Variants in AGT observed in about 807,000 individuals in gnomAD.
AGT encodes the protein alpha-1 antiproteinase, antitrypsin.
In AGT, 26 loss-of-function variants were observed where a neutral mutation model predicts 28.1. The observed-to-expected ratio is 0.92, with a 90% CI of 0.68 to 1.28. AGT has a LOEUF of 1.28. Ranked by LOEUF, AGT falls within the 50% of genes most tolerant of loss-of-function variation. AGT has a pLI of 0.00. For missense variants in AGT, 596 were observed against 592.3 expected (o/e 1.01, Z -0.06); for synonymous variants, 259 against 259.6 (o/e 1.00, Z 0.02).
intron 1 of AGT, among the ~76,000 whole-genome samples, chr1:230,711,071 C>T (rs1461647760): frequency 6.6e-6 from 1 of 152,202 alleles, no homozygotes; most frequent in East Asian, 1.9e-4. Context: ...GAATTATGTC[C>T]TACCTCCCCC....
At chr1:230,715,454 A>C (rs1326281893), upstream of AGT, among the ~76,000 whole-genome samples, 1 of 152,216 alleles carries the variant, frequency 6.6e-6, no homozygotes, top group Non-Finnish European at 1.5e-5. Context: ...TGGAGGTTAC[A>C]GTGAGCTATG....
At chr1:230,707,956 G>A (rs1448072201) in intron 2 of AGT, among the ~76,000 whole-genome samples, 1 of 152,124 alleles carries the variant, frequency 6.6e-6, no homozygotes, top group Admixed American at 6.6e-5. Flanking sequence ...AGCCCATCAG[G>A]CCCCAGATCC....
chr1:230,710,710 AT>A lies in AGT; in HGVS notation c.113del (p.Asn38MetfsTer44). 1 of 1,614,082 alleles carries A rather than the reference AT, an allele frequency of 6.2e-7. No individual in the cohort carries two copies. Among genetic ancestry groups the A allele is most frequent in the Non-Finnish European group, 8.5e-7 (1 of 1,179,956 alleles). ...YIHPFHLVIH[N>X]ESTCEQLAKA... ...TTGCCAGCTGCTCACAGGTACTCTC[AT>A]TGTGGATGACGAGGTGGAAGGGGTG... On this transcript the variant is annotated frameshift_variant, in exon 2 of 5. Transcript: ENST00000366667. LOFTEE classifies it high-confidence loss of function.
At position 230,706,001 on chromosome 1, in the gene AGT, G is replaced by T. The variant is rs1161768666; in HGVS notation, c.1029C>A (p.Asp343Glu). 6.2e-7 allele frequency: 1 copy of T among 1,614,212 alleles called. No individual in the cohort carries two copies. The highest frequency in any genetic ancestry group is 1.3e-5 in the African/African-American group (1 of 75,054). The change falls in exon 3 of 5, where the codon GAC (aspartate) becomes GAA (glutamate). Residue 343 changes from aspartate (D) to glutamate (E), a missense_variant. Transcript: ENST00000366667. Reference sequence around the variant, plus strand: ...AAGTGAGACCCTCCACCTTGTCCAGGTCAGAGGCATAGTGAGGCTGGATCA... The same window carrying T: ...AAGTGAGACCCTCCACCTTGTCCAGTTCAGAGGCATAGTGAGGCTGGATCA... ...LLLIQPHYAS[D>E]LDKVEGLTFQ...
upstream of AGT, among the ~76,000 whole-genome samples, chr1:230,714,476 C>A (rs1030717703): frequency 6.6e-6 from 1 of 152,024 alleles, no homozygotes; most frequent in Admixed American, 6.5e-5. Context: ...GGGAGATGTA[C>A]CCCCAAGAGG....
At chr1:230,704,524 T>A (rs1314748391) in intron 3 of AGT, among the ~76,000 whole-genome samples, 187 bp from the exon 4 acceptor site, 2 of 152,232 alleles carry the variant, frequency 1.3e-5, no homozygotes, top group African/African-American at 4.8e-5. Flanking sequence ...AAATCCTTCA[T>A]GTCATTTGCA....
chr1:230,715,790 C>T (rs2493136), upstream of AGT, among the ~76,000 whole-genome samples: 87,996 of 151,874 alleles, frequency 0.58, 28,154 homozygotes, highest in African/African-American at 0.84. Flanking sequence ...GTTTCATTCA[C>T]TCACTATTCC....
chr1:230,703,017 G>T lies in AGT; in HGVS notation c.*124C>A. 1 of 1,117,364 alleles carries T rather than the reference G, an allele frequency of 8.9e-7. No individual in the cohort carries two copies. Among genetic ancestry groups the T allele is most frequent in the Non-Finnish European group, 1.3e-6 (1 of 785,370 alleles). 69.2% of individuals were successfully genotyped at this position (1,117,364 alleles called of 1,614,324 possible). ...CCAGCTCAAAGTCGACTCATTAGAA[G>T]AAAAGGTGGGAGACTGGGGGTGACA... On this transcript the variant is annotated 3_prime_UTR_variant, in exon 5 of 5. Transcript: ENST00000366667.
At chr1:230,730,329 T>C (rs11122585) in intron 1 of AGT, among the ~76,000 whole-genome samples, 143,206 of 152,142 alleles carry the variant, frequency 0.94, 67,508 homozygotes, top group East Asian at 1. Context: ...CCACCTCGGC[T>C]TCCCAAACTG....
intron 1 of AGT, among the ~76,000 whole-genome samples, chr1:230,721,020 G>A (rs1663834139): frequency 6.6e-6 from 1 of 152,238 alleles, no homozygotes; most frequent in African/African-American, 2.4e-5. Flanking sequence ...CACCTCCAGG[G>A]ACAGGTAGTG....
At position 230,729,889 on chromosome 1, in the gene AGT, C is replaced by T. The variant is rs761446115; in HGVS notation, c.-31+15626G>A. ...AAGAAACAGGAAGGCGGCCTGGGCA[C>T]GGTGGCTCACGCCTGTAATCCCAGC... On this transcript the variant is annotated intron_variant, in intron 1 of 4. Coordinates refer to the AGT transcript ENST00000681269. Among the ~76,000 whole-genome samples, 12 of 151,998 alleles carry T rather than the reference C, an allele frequency of 7.9e-5. 1 individual carries two copies. Among genetic ancestry groups the T allele is most frequent in the African/African-American group, 2.9e-4 (12 of 41,428 alleles).
intron 2 of AGT, among the ~76,000 whole-genome samples, chr1:230,707,699 AG>A (rs1269469701): frequency 6.6e-6 from 1 of 152,188 alleles, no homozygotes; most frequent in Non-Finnish European, 1.5e-5. Context: ...GAGGGGGGAA[AG>A]GGACAATTCT....
At chr1:230,705,475 G>T (rs548271359) in intron 3 of AGT, among the ~76,000 whole-genome samples, 53 of 152,028 alleles carry the variant, frequency 3.5e-4, no homozygotes, top group Non-Finnish European at 6.6e-4. Flanking sequence ...GCCAGCAAGG[G>T]CGTTCTGGAG....
chr1:230,718,490 G>T (rs768585878), upstream of AGT, among the ~76,000 whole-genome samples: 23 of 151,706 alleles, frequency 1.5e-4, 1 homozygote, highest in Non-Finnish European at 1.9e-4. Context: ...CTTGTTCATC[G>T]TATATATCTG....
intron 4 of AGT, among the ~76,000 whole-genome samples, 197 bp downstream of exon 4, chr1:230,703,996 G>C (rs536079675): frequency 3.7e-4 from 56 of 152,312 alleles, no homozygotes; most frequent in East Asian, 1.4e-3. Context: ...CAGCAGGGAT[G>C]GGGAGGGATT....
intron 1 of AGT, among the ~76,000 whole-genome samples, chr1:230,711,117 C>T (rs75776003): frequency 2.9e-3 from 449 of 152,302 alleles, no homozygotes; most frequent in African/African-American, 9.9e-3. Context: ...TCCTCAACCC[C>T]AGGACCTCAG....
intron 1 of AGT, among the ~76,000 whole-genome samples, chr1:230,724,179 C>T (rs571297618): frequency 6.6e-6 from 1 of 152,294 alleles, no homozygotes; most frequent in East Asian, 1.9e-4. Context: ...GTTGTTGCAA[C>T]AGAGAACATA....
At chr1:230,728,012 T>C (rs564527427) in intron 1 of AGT, among the ~76,000 whole-genome samples, 3 of 152,176 alleles carry the variant, frequency 2.0e-5, no homozygotes, top group South Asian at 4.1e-4. Context: ...TAAAAGATAG[T>C]TTGGTAGGCA....
At chr1:230,708,189 C>T (rs779124165) in intron 2 of AGT, among the ~76,000 whole-genome samples, 4 of 152,126 alleles carry the variant, frequency 2.6e-5, no homozygotes, top group Non-Finnish European at 5.9e-5. Context: ...CGGCGAGGAT[C>T]CTGGGCTTCC....
Sources: gnomAD v4.1 joint callset for allele counts (sites outside exome capture counted in the v4.1 genomes callset) on GRCh38, gnomAD v4.1.1 for gene constraint, MANE v1.5 for transcripts, NCBI Gene and HGNC (gene_info 2026-07-23, HGNC 2026-07-21) for gene names.